The following PCCA variants were observed in gnomAD, a reference collection of about 807,000 sequenced individuals.
The protein encoded by PCCA is propionyl-CoA carboxylase subunit alpha, also known as propionyl-CoA carboxylase alpha chain, mitochondrial.
Under a neutral mutation model 101.3 loss-of-function variants are expected in PCCA, and 74 were observed. That is an observed-to-expected ratio of 0.73 (90% CI 0.61 to 0.89). The LOEUF (loss-of-function observed/expected upper bound fraction) is 0.89, where lower values mean the gene tolerates loss of function less well. PCCA is among the 40% of genes least tolerant of loss of function. The pLI, the probability that PCCA is intolerant of heterozygous loss-of-function variation, is 0.00. For synonymous variants in PCCA, 294 were observed against 313.6 expected, an observed-to-expected ratio of 0.94 and a Z score of 0.66; for missense variants, 891 against 907.0, an observed-to-expected ratio of 0.98 and a Z score of 0.23.
intron 8 of PCCA, among the ~76,000 whole-genome samples, chr13:100,252,001 A>AG (rs34382982): frequency 0.86 from 130,937 of 152,140 alleles, 56,588 homozygotes; most frequent in East Asian, 0.99. Context: ...GGGGAGGCTG[A>AG]GGGGGTTCAA....
intron 1 of PCCA, among the ~76,000 whole-genome samples, chr13:100,090,920 A>G (rs1368521951): frequency 6.6e-6 from 1 of 152,198 alleles, no homozygotes; most frequent in East Asian, 1.9e-4. Context: ...TATCTACGGT[A>G]AGGGAGTGTT....
At chr13:100,352,751 G>A (rs1356861837) in intron 18 of PCCA, among the ~76,000 whole-genome samples, 1 of 151,926 alleles carries the variant, frequency 6.6e-6, no homozygotes, top group East Asian at 1.9e-4. Context: ...ACCCAGGCTA[G>A]AATACAGTGG....
At chr13:100,388,188 G>C (rs1161706037) in intron 19 of PCCA, among the ~76,000 whole-genome samples, 1 of 152,238 alleles carries the variant, frequency 6.6e-6, no homozygotes, top group African/African-American at 2.4e-5. Context: ...ATTAAAGTTG[G>C]CTGGGTACAG....
intron 6 of PCCA, among the ~76,000 whole-genome samples, chr13:100,193,779 TAATTAATTATA>T (rs1229687583): frequency 6.6e-6 from 1 of 152,230 alleles, no homozygotes; most frequent in Non-Finnish European, 1.5e-5. Context: ...GTGCTCAAGG[TAATTAATTATA>T]AATCATAGTC....
intron 21 of PCCA, among the ~76,000 whole-genome samples, chr13:100,458,779 G>A (rs1394470535): frequency 6.6e-6 from 1 of 152,142 alleles, no homozygotes; most frequent in African/African-American, 2.4e-5. Flanking sequence ...GATGGCCTGG[G>A]TGTACATACA....
intron 19 of PCCA, among the ~76,000 whole-genome samples, chr13:100,371,640 A>C (rs1326334755): frequency 3.3e-5 from 5 of 152,234 alleles, no homozygotes; most frequent in Admixed American, 2.6e-4. Context: ...ATACAACGCC[A>C]TCCCTATCAG....
At chr13:100,515,355 T>C in intron 21 of PCCA, 72 bp from the exon 22 acceptor site, 2 of 1,393,534 alleles carry the variant, frequency 1.4e-6, no homozygotes, top group Non-Finnish European at 2.0e-6. Flanking sequence ...AAAATTGATT[T>C]AGAATGAATG....
At chr13:100,287,301 TGAA>T (rs2064752802) in intron 12 of PCCA, among the ~76,000 whole-genome samples, 2 of 152,102 alleles carry the variant, frequency 1.3e-5, no homozygotes, top group African/African-American at 4.8e-5. Context: ...ATTTTTCATA[TGAA>T]AAATTAGCCT....
chr13:100,226,293 T>C (rs1193807975), intron 7 of PCCA, among the ~76,000 whole-genome samples: 1 of 152,116 alleles, frequency 6.6e-6, no homozygotes, highest in Non-Finnish European at 1.5e-5. Flanking sequence ...TGAAACAAAT[T>C]ATTATTTTTT....
intron 19 of PCCA, among the ~76,000 whole-genome samples, chr13:100,379,632 G>A (rs1023721944): frequency 1.3e-5 from 2 of 152,076 alleles, no homozygotes; most frequent in Admixed American, 1.3e-4. Context: ...ATATGGCTGG[G>A]GAGGCCTCAT....
intron 18 of PCCA, among the ~76,000 whole-genome samples, chr13:100,343,291 A>T (rs922326732): frequency 7.2e-5 from 11 of 151,976 alleles, no homozygotes; most frequent in Middle Eastern, 3.4e-3. Context: ...ATGGCACATA[A>T]GTTCATGATA....
chr13:100,265,839 G>GAA (rs55950406), intron 10 of PCCA, among the ~76,000 whole-genome samples: 11 of 150,908 alleles, frequency 7.3e-5, no homozygotes, highest in East Asian at 1.9e-4. Flanking sequence ...TTATGTACAA[G>GAA]AAAAAAAAAT....
At chr13:100,242,238 A>G (rs184953535) in intron 8 of PCCA, among the ~76,000 whole-genome samples, 6 of 152,312 alleles carry the variant, frequency 3.9e-5, no homozygotes, top group African/African-American at 1.2e-4. Context: ...TCCCATGTAA[A>G]TAGTAACCAA....
intron 4 of PCCA, among the ~76,000 whole-genome samples, chr13:100,146,672 TA>T (rs968851562): frequency 6.6e-6 from 1 of 151,980 alleles, no homozygotes; most frequent in East Asian, 1.9e-4. Flanking sequence ...AAATGCGAAT[TA>T]AAAAAATGAA....
rs538190013 is a variant in PCCA, at chr13:100,359,083, G to C, written c.1644-9389G>C. Among the ~76,000 whole-genome samples the C allele has an allele frequency of 1.2e-3, 132 of 110,924 alleles. 1 individual carries two copies. The highest frequency in any genetic ancestry group is 4.6e-3 in the African/African-American group (128 of 27,984). The allele number at this position is 110,924 out of a possible 152,430, so 72.8% of individuals were successfully genotyped here. A position where few individuals can be genotyped will look rare whatever the true frequency, so the allele number is the denominator to read the frequency against. Reference sequence around the variant, plus strand: ...CCACTGCACTCCAGCCTGGGCAACAGAGCAAGACTCCTCAAAAAAAAAAAA... The same window carrying C: ...CCACTGCACTCCAGCCTGGGCAACACAGCAAGACTCCTCAAAAAAAAAAAA... On this transcript the variant is annotated intron_variant, in intron 18 of 23. Transcript: ENST00000376285.
At chr13:100,279,620 C>T (rs1025134172) in intron 12 of PCCA, among the ~76,000 whole-genome samples, 7 of 152,190 alleles carry the variant, frequency 4.6e-5, no homozygotes, top group Middle Eastern at 6.8e-3. Flanking sequence ...GGACTACAGG[C>T]GCATACCACC....
intron 8 of PCCA, among the ~76,000 whole-genome samples, chr13:100,240,036 C>G (rs551568018): frequency 6.6e-6 from 1 of 152,254 alleles, no homozygotes; most frequent in South Asian, 2.1e-4. Flanking sequence ...CTACCACTCT[C>G]CTCCAAACTA....
intron 7 of PCCA, among the ~76,000 whole-genome samples, chr13:100,211,479 T>C (rs2059209377): frequency 3.3e-5 from 5 of 152,236 alleles, no homozygotes; most frequent in Admixed American, 3.3e-4. Flanking sequence ...TGAGCAACAT[T>C]TGAGTCTCTT....
chr13:100,159,785 T>C (rs1485590088), intron 6 of PCCA, among the ~76,000 whole-genome samples: 3 of 152,182 alleles, frequency 2.0e-5, no homozygotes, highest in Admixed American at 2.0e-4. Context: ...GGCTCTGCCC[T>C]CAGTGCTTTC....
Sources: gnomAD v4.1 joint callset for allele counts (sites outside exome capture counted in the v4.1 genomes callset) on GRCh38, gnomAD v4.1.1 for gene constraint, MANE v1.5 for transcripts, NCBI Gene and HGNC (gene_info 2026-07-23, HGNC 2026-07-21) for gene names.